ABLIM2: variants seen among roughly 807,000 people sequenced by gnomAD.
ABLIM2 encodes the protein actin binding LIM protein family member 2, also known as actin-binding LIM protein 2.
ABLIM2 carries 53 observed loss-of-function variants against 97.7 expected under a neutral mutation model. The observed-to-expected ratio is 0.54, with a 90% CI of 0.44 to 0.68. The LOEUF (loss-of-function observed/expected upper bound fraction) is 0.68. ABLIM2 is among the 30% of genes least tolerant of loss of function. The probability of loss-of-function intolerance (pLI) is 0.00; values close to 1 mark genes in which losing one functional copy is unlikely to be tolerated. For missense variants in ABLIM2, 835 were observed against 867.2 expected (o/e 0.96, Z 0.47); for synonymous variants, 361 against 345.8 (o/e 1.04, Z -0.49).
intron 2 of ABLIM2, 115 bp downstream of exon 2, chr4:8,106,379 T>G: frequency 1.5e-6 from 2 of 1,353,264 alleles, no homozygotes; most frequent in East Asian, 5.0e-5. Context: ...GTATCTGGAG[T>G]GTTCTCCAGT....
Position 8,019,813 on chromosome 4 carries a change from G to T in ABLIM2, c.1370-142C>A. On this transcript the variant is annotated intron_variant, in intron 13 of 20. Transcript: ENST00000447017. The surrounding 1 kb of genome is among the most constrained non-coding windows in gnomAD (Gnocchi z 4.3). ...AGGCAGGAACTGGCACCCAGCGAGC[G>T]ACAGACACCCAGGCCCCAGATCAAG... 1.2e-6 allele frequency: 1 copy of T among 808,348 alleles called. No homozygotes were observed. Among genetic ancestry groups the T allele is most frequent in the Non-Finnish European group, 2.0e-6 (1 of 503,866 alleles). 50.1% of individuals were successfully genotyped at this position (808,348 alleles called of 1,614,324 possible). A position where few individuals can be genotyped will look rare whatever the true frequency, so the allele number is the denominator to read the frequency against.
chr4:8,158,685 C>G lies in ABLIM2; in HGVS notation c.5G>C (p.Ser2Thr). The part of the protein sequence containing the change: M[S>T]AVSQPQAAPS... ...CCTCGGTCCCCAGCACCCACCTGCA[C>G]TCATCTCAGCAGCCGCTCGGAGTCG... Residue 2 changes from serine (S) to threonine (T), a missense_variant, in exon 1 of 21, where the codon AGT becomes ACT. Coordinates refer to ENST00000447017, the MANE Select transcript of ABLIM2 (RefSeq NM_001130083.2). 2 of 1,476,322 alleles carry G rather than the reference C, an allele frequency of 1.4e-6. No homozygotes were observed. Among genetic ancestry groups the G allele is most frequent in the Non-Finnish European group, 1.8e-6 (2 of 1,117,220 alleles). The allele number at this position is 1,476,322 out of a possible 1,614,324, so 91.5% of individuals were successfully genotyped here.
intron 20 of ABLIM2, among the ~76,000 whole-genome samples, chr4:7,972,938 G>A (rs1729317314): frequency 6.6e-6 from 1 of 151,978 alleles, no homozygotes; most frequent in African/African-American, 2.4e-5. Context: ...TTCACTGTGG[G>A]GCCCTTATTT....
rs552064821 is a variant in ABLIM2, at chr4:8,100,309, C to A, written c.155-3027G>T. Among the ~76,000 whole-genome samples the A allele has an allele frequency of 1.6e-4, 24 of 152,290 alleles. No individual in the cohort carries two copies. The South Asian group carries it at 5.0e-3, about 32-fold the overall frequency. On this transcript the variant is annotated intron_variant, in intron 2 of 20. Coordinates refer to ENST00000447017, the MANE Select transcript of ABLIM2 (RefSeq NM_001130083.2). Reference sequence around the variant, plus strand: ...TAAATAGATGCCTGGGCTTTAGAGTCAGGCAGCCTGGGCTTGAGTCCTTGC... The same window carrying A: ...TAAATAGATGCCTGGGCTTTAGAGTAAGGCAGCCTGGGCTTGAGTCCTTGC...
intron 20 of ABLIM2, among the ~76,000 whole-genome samples, chr4:7,971,925 G>A (rs958200725): frequency 2.0e-4 from 31 of 152,254 alleles, no homozygotes; most frequent in African/African-American, 7.2e-4. Flanking sequence ...CCCAGGGCCA[G>A]CAAGGGGCCA....
intron 20 of ABLIM2, among the ~76,000 whole-genome samples, chr4:7,979,150 T>G (rs1442075961): frequency 3.3e-5 from 5 of 152,230 alleles, no homozygotes. Flanking sequence ...TCAGAACCTT[T>G]TGGTGGCCTT....
Position 8,132,857 on chromosome 4 carries a change from G to A in ABLIM2, c.10+25823C>T, listed in dbSNP as rs1029895837. Reference sequence around the variant, plus strand: ...CTCTGAAAGTGTCCAGCCCCTACCCGGGCACGTGGTGGGCACTCGGTAATT... The same window carrying A: ...CTCTGAAAGTGTCCAGCCCCTACCCAGGCACGTGGTGGGCACTCGGTAATT... On this transcript the variant is annotated intron_variant, in intron 1 of 20. Coordinates refer to ENST00000447017, the MANE Select transcript of ABLIM2 (RefSeq NM_001130083.2). This position sits in a 1 kb window ranked among gnomAD's most constrained non-coding sequence, Gnocchi z 8.0. Among the ~76,000 whole-genome samples the A allele has an allele frequency of 3.3e-5, 5 of 152,152 alleles. No individual in the cohort carries two copies. The highest frequency in any genetic ancestry group is 9.7e-5 in the African/African-American group (4 of 41,430).
intron 20 of ABLIM2, among the ~76,000 whole-genome samples, chr4:7,978,508 T>G (rs1317284): frequency 6.6e-6 from 1 of 152,074 alleles, no homozygotes; most frequent in African/African-American, 2.4e-5. Context: ...AGGGTTGCTG[T>G]GAGTCCCAAC....
At chr4:8,144,369 G>A (rs1851464240) in intron 1 of ABLIM2, among the ~76,000 whole-genome samples, 1 of 152,244 alleles carries the variant, frequency 6.6e-6, no homozygotes, top group Admixed American at 6.5e-5. Context: ...CTATGGCAGT[G>A]ATGACACTGC....
chr4:8,112,403 T>C lies in ABLIM2; in HGVS notation c.11-5766A>G, dbSNP rs1422162452. On this transcript the variant is annotated intron_variant, in intron 1 of 20. Transcript: ENST00000447017. The surrounding 1 kb of genome is among the most constrained non-coding windows in gnomAD (Gnocchi z 4.2). ...ATCAGGGCTTGATCTTAGGAGGATG[T>C]TTTAAATGTCCATTGAAGTAGAGAA... is the stretch of plus-strand genomic sequence containing the variant. Among the ~76,000 whole-genome samples, 2 of 152,186 alleles carry C rather than the reference T, an allele frequency of 1.3e-5. No homozygotes were observed. Among genetic ancestry groups the C allele is most frequent in the Non-Finnish European group, 2.9e-5 (2 of 68,038 alleles).
intron 3 of ABLIM2, among the ~76,000 whole-genome samples, chr4:8,089,640 C>A (rs886736762): frequency 6.9e-6 from 1 of 145,302 alleles, no homozygotes; most frequent in Non-Finnish European, 1.5e-5. Context: ...GAGGGTGAGG[C>A]AGGACAATCG....
chr4:7,990,761 G>T (rs769044477), intron 17 of ABLIM2, among the ~76,000 whole-genome samples: 2 of 152,124 alleles, frequency 1.3e-5, no homozygotes, highest in East Asian at 1.9e-4. Context: ...GAGCAGGGCC[G>T]CCCTGAAAAA....
chr4:8,069,542 C>T lies in ABLIM2; in HGVS notation c.675+8086G>A, dbSNP rs1055656196. On this transcript the variant is annotated intron_variant, in intron 6 of 20. Transcript: ENST00000447017. This position sits in a 1 kb window ranked among gnomAD's most constrained non-coding sequence, Gnocchi z 4.2. Reference sequence around the variant, plus strand: ...GAGGCAAGGCAGGAAGGCAGAGATGCGGCAAAGGGTGTGTGCGCATGTGCG... The same window carrying T: ...GAGGCAAGGCAGGAAGGCAGAGATGTGGCAAAGGGTGTGTGCGCATGTGCG... Among the ~76,000 whole-genome samples the T allele has an allele frequency of 1.3e-5, 2 of 152,060 alleles. No individual in the cohort carries two copies. Among genetic ancestry groups the T allele is most frequent in the Non-Finnish European group, 2.9e-5 (2 of 68,016 alleles).
chr4:8,032,772 A>T lies in ABLIM2; in HGVS notation c.1048-2996T>A. The stretch of plus-strand genomic sequence containing the variant: ...CGTGACTGGCAGGCAACACAGGCGC[A>T]AACACCCACACAGAGCCCTGATCCT... On this transcript the variant is annotated intron_variant, in intron 10 of 20. Transcript: ENST00000447017. This position sits in a 1 kb window ranked among gnomAD's most constrained non-coding sequence, Gnocchi z 4.3. The T allele has an allele frequency of 7.7e-7, 1 of 1,296,328 alleles. No individual in the cohort carries two copies. The allele number at this position is 1,296,328 out of a possible 1,614,324, so 80.3% of individuals were successfully genotyped here. A position where few individuals can be genotyped will look rare whatever the true frequency, so the allele number is the denominator to read the frequency against.
intron 8 of ABLIM2, among the ~76,000 whole-genome samples, chr4:8,052,125 G>A (rs1190113494): frequency 6.6e-6 from 1 of 152,134 alleles, no homozygotes; most frequent in African/African-American, 2.4e-5. Flanking sequence ...AATTCTACTA[G>A]AGATGAAGAC....
In ABLIM2 at chr4:7,974,417, A is replaced by G. The variant is rs558514778; in HGVS notation, c.1825-7314T>C. Reference sequence around the variant, plus strand: ...CATCCATCCACCCATCCATCCACCAATCCATCCACCCACCCTTCCACCCAC... The same window carrying G: ...CATCCATCCACCCATCCATCCACCAGTCCATCCACCCACCCTTCCACCCAC... On this transcript the variant is annotated intron_variant, in intron 20 of 20. Transcript: ENST00000447017. Among the ~76,000 whole-genome samples, 141 of 127,538 alleles carry G rather than the reference A, an allele frequency of 1.1e-3. 2 individuals are homozygous for G. Among genetic ancestry groups the G allele is most frequent in the African/African-American group, 3.9e-3 (136 of 34,984 alleles). 83.7% of individuals were successfully genotyped at this position (127,538 alleles called of 152,430 possible). A position where few individuals can be genotyped will look rare whatever the true frequency, so the allele number is the denominator to read the frequency against.
Position 8,127,906 on chromosome 4 carries a change from G to A in ABLIM2, c.11-21269C>T, listed in dbSNP as rs1286655476. Among the ~76,000 whole-genome samples, 1 of 152,178 alleles carries A rather than the reference G, an allele frequency of 6.6e-6. No homozygotes were observed. ...CTGCTGACCCTTCCTCCATGTGTAG[G>A]GGCAGCAATAGTGAGCTCACAACCC... On this transcript the variant is annotated intron_variant, in intron 1 of 20. Coordinates refer to ENST00000447017, the MANE Select transcript of ABLIM2 (RefSeq NM_001130083.2). This position sits in a 1 kb window ranked among gnomAD's most constrained non-coding sequence, Gnocchi z 7.3.
Position 8,122,246 on chromosome 4 carries a change from G to A in ABLIM2, c.11-15609C>T, listed in dbSNP as rs547006997. 1.1e-4 allele frequency among the ~76,000 whole-genome samples: 17 copies of A among 152,228 alleles called. No homozygotes were observed. The highest frequency in any genetic ancestry group is 3.9e-4 in the African/African-American group (16 of 41,528). ...CCCCCTGTGCATCTCCATCATATCC[G>A]AATGGCCTGGTAAGGATGGCCACAG... On this transcript the variant is annotated intron_variant, in intron 1 of 20. Transcript: ENST00000447017. This position sits in a 1 kb window ranked among gnomAD's most constrained non-coding sequence, Gnocchi z 4.1.
rs1337160856 is a variant in ABLIM2 at position 8,051,382 on chromosome 4, A to AC, written c.822+2805dup. Among the ~76,000 whole-genome samples, 235 of 54,862 alleles carry AC rather than the reference A, an allele frequency of 4.3e-3. 2 individuals carry two copies. Among genetic ancestry groups the AC allele is most frequent in the African/African-American group, 0.016 (228 of 14,410 alleles). The allele number at this position is 54,862 out of a possible 152,430, so 36.0% of individuals were successfully genotyped here. On this transcript the variant is annotated intron_variant, in intron 8 of 20. Coordinates refer to ENST00000447017, the MANE Select transcript of ABLIM2 (RefSeq NM_001130083.2). ...GTCAACATAATGAAACCCTGTCTCT[A>AC]CTAAAAAAAAAAGAAAATACAAAAA... is the stretch of plus-strand genomic sequence containing the variant.
Sources: allele counts gnomAD v4.1 joint callset (sites outside exome capture counted in the v4.1 genomes callset), GRCh38; gene constraint gnomAD v4.1.1; non-coding constraint Gnocchi (gnomAD v3.1); transcripts MANE v1.5; gene names NCBI Gene and HGNC (gene_info 2026-07-23, HGNC 2026-07-21).